Variants in FHOD3 observed in about 807,000 individuals in gnomAD.
The protein encoded by FHOD3 is formin homology 2 domain containing 3, also known as FH1/FH2 domain-containing protein 3.
Under a neutral mutation model 173.0 loss-of-function variants are expected in FHOD3, and 90 were observed. That is an observed-to-expected ratio of 0.52 (90% CI 0.44 to 0.62). FHOD3 has a LOEUF of 0.62. Ranked by LOEUF, FHOD3 falls within the 20% of genes least tolerant of loss-of-function variation. FHOD3 has a pLI of 0.00. For synonymous variants in FHOD3, 828 were observed against 823.0 expected (o/e 1.01, Z -0.10); for missense variants, 1,945 against 2,034.7 (o/e 0.96, Z 0.85).
At chr18:36,701,680 G>A (rs938838427) in intron 17 of FHOD3, among the ~76,000 whole-genome samples, 55 of 152,290 alleles carry the variant, frequency 3.6e-4, no homozygotes, top group African/African-American at 1.3e-3. Context: ...TGCTTCAAAT[G>A]TGAGTTTAGA....
intron 6 of FHOD3, among the ~76,000 whole-genome samples, chr18:36,591,720 C>A (rs1212353185): frequency 4.6e-5 from 7 of 151,114 alleles, no homozygotes; most frequent in African/African-American, 7.3e-5. Context: ...GAGTTTAAGA[C>A]CAGTCTGGGC....
chr18:36,438,044 G>T (rs1302669485), intron 3 of FHOD3, among the ~76,000 whole-genome samples: 1 of 152,134 alleles, frequency 6.6e-6, no homozygotes, highest in African/African-American at 2.4e-5. Context: ...GAGGCTGCCT[G>T]CAGGGGATGC....
At chr18:36,470,686 G>C (rs1233133380) in intron 3 of FHOD3, among the ~76,000 whole-genome samples, 1 of 152,208 alleles carries the variant, frequency 6.6e-6, no homozygotes. Flanking sequence ...TGAGCAAAAT[G>C]ATAGTAGCCA....
rs567155665 is a variant in FHOD3, at chr18:36,758,651, G to A, written c.4426-467G>A. 2.6e-5 allele frequency among the ~76,000 whole-genome samples: 4 copies of A among 152,326 alleles called. No homozygotes were observed. The East Asian group carries it at 7.7e-4, about 29-fold the overall frequency. ...CCTGCGCTCGGGATGGGATGGGAGG[G>A]CCGGCAGCTGACAGGCAGAGCCAAG... On this transcript the variant is annotated intron_variant, in intron 25 of 28. Transcript: ENST00000590592.
chr18:36,741,790 G>A (rs1255649784), intron 21 of FHOD3, among the ~76,000 whole-genome samples: 1 of 151,920 alleles, frequency 6.6e-6, no homozygotes, highest in African/African-American at 2.4e-5. Flanking sequence ...ATAAAGCCAA[G>A]TGGGGAGGCT....
At chr18:36,655,407 T>C (rs1475250952) in intron 13 of FHOD3, among the ~76,000 whole-genome samples, 3 of 152,136 alleles carry the variant, frequency 2.0e-5, no homozygotes, top group African/African-American at 4.8e-5. Flanking sequence ...GTCTGCAAGC[T>C]TCACCGCTAT....
chr18:36,627,513 G>A (rs1363723959), intron 10 of FHOD3, among the ~76,000 whole-genome samples: 3 of 152,162 alleles, frequency 2.0e-5, no homozygotes. Flanking sequence ...GAAACAGGAG[G>A]CCAGAGATGC....
intron 27 of FHOD3, among the ~76,000 whole-genome samples, chr18:36,765,383 A>T (rs1008237699): frequency 6.6e-6 from 1 of 152,198 alleles, no homozygotes; most frequent in East Asian, 1.9e-4. Context: ...GAGGAAAATA[A>T]TGCTGACTTC....
At chr18:36,456,850 G>A (rs1331529739) in intron 3 of FHOD3, among the ~76,000 whole-genome samples, 1 of 152,148 alleles carries the variant, frequency 6.6e-6, no homozygotes, top group Non-Finnish European at 1.5e-5. Context: ...ACTTGCCACA[G>A]TGCCATTTAG....
rs1335501186 is a variant in FHOD3 at position 36,652,946 on chromosome 18, G to C, written c.1646+17G>C. 6.6e-7 allele frequency: 1 copy of C among 1,519,312 alleles called. No homozygotes were observed. The highest frequency in any genetic ancestry group is 1.2e-5 in the South Asian group (1 of 82,250). The allele number at this position is 1,519,312 out of a possible 1,614,324, so 94.1% of individuals were successfully genotyped here. ...GGAAAACAGGTAGATTTGCTCACCT[G>C]GAGGCTTGTTTGAGATTAACTCGGG... is the stretch of plus-strand genomic sequence containing the variant. On this transcript the variant is annotated intron_variant, in intron 12 of 28. Coordinates refer to ENST00000590592, the MANE Select transcript of FHOD3 (RefSeq NM_001281740.3).
intron 3 of FHOD3, among the ~76,000 whole-genome samples, chr18:36,494,506 G>C (rs1463307240): frequency 6.6e-6 from 1 of 152,136 alleles, no homozygotes; most frequent in African/African-American, 2.4e-5. Flanking sequence ...GTATACCCCA[G>C]GCAGATTTAA....
intron 3 of FHOD3, among the ~76,000 whole-genome samples, chr18:36,397,037 C>T (rs2048586229): frequency 6.6e-6 from 1 of 152,078 alleles, no homozygotes; most frequent in Non-Finnish European, 1.5e-5. Context: ...GTTTTAATTC[C>T]ACTCCCAGCA....
intron 5 of FHOD3, among the ~76,000 whole-genome samples, chr18:36,544,264 T>C (rs149313109): frequency 1.5e-4 from 23 of 152,278 alleles, no homozygotes; most frequent in African/African-American, 5.5e-4. Flanking sequence ...CCCCACCCGA[T>C]CTCCCTGAAC....
chr18:36,776,410 C>T (rs137891548), intron 28 of FHOD3, among the ~76,000 whole-genome samples: 202 of 152,206 alleles, frequency 1.3e-3, no homozygotes, highest in African/African-American at 4.6e-3. Flanking sequence ...CCCAAAGGGG[C>T]TCTTGTCGCG....
intron 3 of FHOD3, among the ~76,000 whole-genome samples, chr18:36,470,759 C>G (rs181301889): frequency 6.6e-6 from 1 of 152,172 alleles, no homozygotes; most frequent in Non-Finnish European, 1.5e-5. Flanking sequence ...ATTCCCGCTC[C>G]GCGCTGGGAT....
In FHOD3 at chr18:36,709,243, G is replaced by T; in HGVS notation, c.2385G>T (p.Pro795=). Residue 795 remains proline (P), a synonymous_variant, in exon 18 of 29, where the codon CCG becomes CCT. Transcript: ENST00000590592. ...TEVEQALEQE[P]EERASLSEKE... ...TGGAGCAGGCACTAGAGCAAGAGCC[G>T]GAAGAAAGAGCCTCCCTCAGTGAAA... 1 of 1,614,196 alleles carries T rather than the reference G, an allele frequency of 6.2e-7. No homozygotes were observed. The highest frequency in any genetic ancestry group is 8.5e-7 in the Non-Finnish European group (1 of 1,180,038).
chr18:36,577,348 G>C (rs534274614), intron 6 of FHOD3, among the ~76,000 whole-genome samples: 1 of 152,010 alleles, frequency 6.6e-6, no homozygotes, highest in Non-Finnish European at 1.5e-5. Flanking sequence ...CTGTTGCCAG[G>C]CTGGAGTACA....
At chr18:36,599,719 G>A (rs8090256) in intron 7 of FHOD3, among the ~76,000 whole-genome samples, 2,478 of 152,254 alleles carry the variant, frequency 0.016, 74 homozygotes, top group African/African-American at 0.056. Flanking sequence ...TATTTATCTG[G>A]GTTAAGAGAG....
intron 3 of FHOD3, among the ~76,000 whole-genome samples, chr18:36,445,948 G>C (rs1224127151): frequency 2.0e-5 from 3 of 152,178 alleles, no homozygotes; most frequent in African/African-American, 7.2e-5. Context: ...TCCTACTCCA[G>C]GATTCTCCAG....
Sources: gnomAD v4.1 joint callset for allele counts (sites outside exome capture counted in the v4.1 genomes callset) on GRCh38, gnomAD v4.1.1 for gene constraint, MANE v1.5 for transcripts, NCBI Gene and HGNC (gene_info 2026-07-23, HGNC 2026-07-21) for gene names.